The following TSPAN16 variants were observed in gnomAD, a reference collection of about 807,000 sequenced individuals.
The protein encoded by TSPAN16 is tetraspanin 16, also known as tetraspanin-16.
TSPAN16 carries 23 observed loss-of-function variants against 25.2 expected under a neutral mutation model. That is an observed-to-expected ratio of 0.91 (90% CI 0.66 to 1.29). The LOEUF (loss-of-function observed/expected upper bound fraction) is 1.29, where lower values mean the gene tolerates loss of function less well. TSPAN16 is among the 50% of genes most tolerant of loss of function. The probability of loss-of-function intolerance (pLI) is 0.00; values close to 1 mark genes in which losing one functional copy is unlikely to be tolerated. For missense variants in TSPAN16, 272 were observed against 299.9 expected (o/e 0.91, Z 0.69); for synonymous variants, 123 against 124.4 (o/e 0.99, Z 0.08).
At chr19:11,306,979 C>A (rs2080635536) in intron 5 of TSPAN16, among the ~76,000 whole-genome samples, 1 of 151,906 alleles carries the variant, frequency 6.6e-6, no homozygotes, top group Non-Finnish European at 1.5e-5. Flanking sequence ...CCACACCCGG[C>A]TAATTTTGTA....
At chr19:11,297,694 G>A (rs1306622665) in intron 1 of TSPAN16, among the ~76,000 whole-genome samples, 11 of 151,876 alleles carry the variant, frequency 7.2e-5, no homozygotes, top group African/African-American at 4.8e-5. Flanking sequence ...ACAGGGTTTC[G>A]CCATGTTGGC....
intron 6 of TSPAN16, chr19:11,323,972 A>G (rs2080796267): frequency 6.6e-6 from 1 of 152,048 alleles, no homozygotes; most frequent in Admixed American, 6.6e-5. Flanking sequence ...ACATCTTCAA[A>G]CTGCACACGT....
chr19:11,315,229 CCTT>C (rs2080733691), intron 6 of TSPAN16, among the ~76,000 whole-genome samples: 1 of 124,588 alleles, frequency 8.0e-6, no homozygotes, highest in African/African-American at 3.2e-5. Flanking sequence ...GAGTGAGACT[CCTT>C]CTCAATAATA....
At chr19:11,320,547 CTTGTAG>C (rs2080772114), downstream of TSPAN16, among the ~76,000 whole-genome samples, 3 of 151,876 alleles carry the variant, frequency 2.0e-5, 1 homozygote, top group South Asian at 6.2e-4. Flanking sequence ...GTGGTGCTTG[CTTGTAG>C]TTCCAGAAAC....
intron 5 of TSPAN16, among the ~76,000 whole-genome samples, chr19:11,309,647 T>A (rs1473337666): frequency 6.6e-6 from 1 of 152,238 alleles, no homozygotes; most frequent in South Asian, 2.1e-4. Flanking sequence ...ATACCCTGTT[T>A]CTGTGTCTTT....
At chr19:11,313,540 AAAT>A (rs2080715526) in intron 6 of TSPAN16, among the ~76,000 whole-genome samples, 5 of 150,656 alleles carry the variant, frequency 3.3e-5, no homozygotes, top group Non-Finnish European at 4.5e-5. Flanking sequence ...AAAAAAAAAA[AAAT>A]TATATCTTAA....
intron 5 of TSPAN16, among the ~76,000 whole-genome samples, chr19:11,307,283 C>CAA: frequency 6.7e-6 from 1 of 149,598 alleles, no homozygotes; most frequent in African/African-American, 2.5e-5. Context: ...CCACGCCCGG[C>CAA]TGATTTTTGT....
Position 11,312,153 on chromosome 19 carries a change from ACTC to A in TSPAN16, c.621_623del (p.Leu208del). On this transcript the variant is annotated inframe_deletion, in exon 6 of 7. Coordinates refer to ENST00000590327, the MANE Select transcript of TSPAN16 (RefSeq NM_001282509.2). ...TGTTTCCTCAGGGCTGTTTCCATAA[ACTC>A]CTAAAAATCACCAAGACTCAGAGCT... 1 of 1,610,510 alleles carries A rather than the reference ACTC, an allele frequency of 6.2e-7. No homozygotes were observed. Among genetic ancestry groups the A allele is most frequent in the Non-Finnish European group, 8.5e-7 (1 of 1,179,136 alleles).
intron 5 of TSPAN16, among the ~76,000 whole-genome samples, chr19:11,307,526 C>T (rs938222596): frequency 2.0e-5 from 3 of 152,100 alleles, no homozygotes; most frequent in African/African-American, 7.2e-5. Flanking sequence ...TCAAGTGATC[C>T]TCCTGCCTCA....
chr19:11,323,896 G>C (rs1397834452), intron 6 of TSPAN16: 1 of 152,274 alleles, frequency 6.6e-6, no homozygotes, highest in African/African-American at 2.4e-5. Flanking sequence ...CAAAGAAAAG[G>C]TGCTGCGCCC....
chr19:11,317,692 A>G (rs1387888801), downstream of TSPAN16, among the ~76,000 whole-genome samples: 1 of 151,398 alleles, frequency 6.6e-6, no homozygotes, highest in African/African-American at 2.4e-5. Flanking sequence ...ACGGGGTTTC[A>G]TCATGTTGGC....
In TSPAN16 at chr19:11,298,918, CCA is replaced by C; in HGVS notation, c.317_318del (p.Thr106SerfsTer52). ...GTCCTCATCATGGAAGTTACAGCTG[CCA>C]CAGTGGTCCTTCTTTTCTTTCCAAT... On this transcript the variant is annotated frameshift_variant, in exon 3 of 7. Coordinates refer to ENST00000590327, the MANE Select transcript of TSPAN16 (RefSeq NM_001282509.2). LOFTEE classifies it high-confidence loss of function. 6.2e-7 allele frequency: 1 copy of C among 1,614,080 alleles called. No individual in the cohort carries two copies. The highest frequency in any genetic ancestry group is 8.5e-7 in the Non-Finnish European group (1 of 1,179,988).
chr19:11,302,662 T>C (rs1181097555), intron 4 of TSPAN16, among the ~76,000 whole-genome samples: 2 of 84,826 alleles, frequency 2.4e-5, no homozygotes, highest in African/African-American at 1.4e-4. Context: ...TACACATACA[T>C]ATATATATAT....
At chr19:11,296,810 G>A (rs1219680033) in intron 1 of TSPAN16, among the ~76,000 whole-genome samples, 1 of 152,340 alleles carries the variant, frequency 6.6e-6, no homozygotes, top group East Asian at 1.9e-4. Context: ...AGGCCAAGGC[G>A]GGTGGATCAC....
At chr19:11,308,197 C>T (rs750009562) in intron 5 of TSPAN16, 7 of 152,216 alleles carry the variant, frequency 4.6e-5, no homozygotes, top group African/African-American at 7.2e-5. Flanking sequence ...CCCCAGTTCC[C>T]CCTTAACTTC....
chr19:11,301,248 T>A lies in TSPAN16; in HGVS notation c.390T>A (p.Asn130Lys). ...LEHTFVTLRK[N>K]YRGYNEPDDY... ...ACACCTTCGTGACCCTGAGGAAGAATTACAGAGGTTACAACGAGCCAGACG... is the reference window on the plus strand; with the variant it reads ...ACACCTTCGTGACCCTGAGGAAGAAATACAGAGGTTACAACGAGCCAGACG... The change falls in exon 4 of 7, where the codon AAT becomes AAA. Residue 130 changes from asparagine to lysine, a missense_variant. Physicochemically the swap from Asn to Lys is moderately conservative, Grantham distance 94. Transcript: ENST00000590327. The A allele has an allele frequency of 6.2e-7, 1 of 1,613,796 alleles. No homozygotes were observed. Among genetic ancestry groups the A allele is most frequent in the Non-Finnish European group, 8.5e-7 (1 of 1,179,974 alleles).
chr19:11,299,585 G>C (rs1392208519), intron 3 of TSPAN16, among the ~76,000 whole-genome samples: 2 of 152,186 alleles, frequency 1.3e-5, no homozygotes, highest in Non-Finnish European at 2.9e-5. Flanking sequence ...AATGACAAAA[G>C]CTTCAGCACT....
chr19:11,309,548 CTT>C (rs1174453488), intron 5 of TSPAN16, among the ~76,000 whole-genome samples: 1 of 152,246 alleles, frequency 6.6e-6, no homozygotes, highest in Non-Finnish European at 1.5e-5. Context: ...CCTCTCAAGT[CTT>C]TACTCAACTG....
downstream of TSPAN16, among the ~76,000 whole-genome samples, chr19:11,319,933 G>A (rs545897273): frequency 2.0e-5 from 3 of 152,178 alleles, no homozygotes; most frequent in South Asian, 2.1e-4. Context: ...TCCTGCCTCA[G>A]CCTCCCGCGT....
Sources: gnomAD v4.1 joint callset for allele counts (sites outside exome capture counted in the v4.1 genomes callset) on GRCh38, gnomAD v4.1.1 for gene constraint, MANE v1.5 for transcripts, NCBI Gene and HGNC (gene_info 2026-07-23, HGNC 2026-07-21) for gene names.